The following DNAH17 variants were observed in gnomAD, a reference collection of about 807,000 sequenced individuals.
DNAH17 encodes axonemal beta dynein heavy chain 17.
Under a neutral mutation model 485.6 loss-of-function variants are expected in DNAH17, and 376 were observed. That is an observed-to-expected ratio of 0.77 (90% CI 0.71 to 0.84). The LOEUF (loss-of-function observed/expected upper bound fraction) is 0.84. Ranked by LOEUF, DNAH17 falls within the 40% of genes least tolerant of loss-of-function variation. DNAH17 has a pLI of 0.00. For missense variants in DNAH17, 6,370 were observed against 5,839.3 expected (o/e 1.09, Z -2.96); for synonymous variants, 3,031 against 2,405.9 (o/e 1.26, Z -7.60).
At chr17:78,500,878 C>T (rs1045824363) in intron 35 of DNAH17, 8 of 268,928 alleles carry the variant, frequency 3.0e-5, no homozygotes, top group Non-Finnish European at 5.6e-5. Context: ...GCCCAGGTGC[C>T]TTTCCCACCT....
At chr17:78,565,204 C>G (rs1343262146) in intron 11 of DNAH17, among the ~76,000 whole-genome samples, 1 of 152,168 alleles carries the variant, frequency 6.6e-6, no homozygotes. Context: ...ACACCTGTAT[C>G]TATTGAGATG....
At chr17:78,543,729 C>T in intron 17 of DNAH17, 128 bp downstream of exon 17, 1 of 1,433,350 alleles carries the variant, frequency 7.0e-7, no homozygotes, top group Non-Finnish European at 9.7e-7. Flanking sequence ...CCAGCCAGGT[C>T]ACAGACTTCT....
chr17:78,462,422 G>A (rs1598491561), intron 57 of DNAH17, among the ~76,000 whole-genome samples: 1 of 152,180 alleles, frequency 6.6e-6, no homozygotes, highest in Non-Finnish European at 1.5e-5. Flanking sequence ...CACGATGGAG[G>A]AGGTCTGAAG....
chr17:78,544,083 G>A (rs570848882), intron 16 of DNAH17, 86 bp from the exon 17 acceptor site: 2 of 1,576,922 alleles, frequency 1.3e-6, no homozygotes, highest in Admixed American at 1.7e-5. Context: ...TTTGATGTGA[G>A]TTTCGTCACT....
chr17:78,576,289 T>C (rs28451487), intron 1 of DNAH17, among the ~76,000 whole-genome samples: 5,899 of 152,158 alleles, frequency 0.039, 410 homozygotes, highest in African/African-American at 0.13. Flanking sequence ...AAAACAACTA[T>C]ATGATGGGAA....
chr17:78,551,355 G>A (rs573586286), intron 16 of DNAH17, among the ~76,000 whole-genome samples, 180 bp downstream of exon 16: 305 of 152,332 alleles, frequency 2.0e-3, no homozygotes, highest in African/African-American at 7.1e-3. Context: ...CAGAGCAACT[G>A]GGCTCTTTCT....
intron 57 of DNAH17, among the ~76,000 whole-genome samples, chr17:78,462,471 A>G (rs2146538217): frequency 6.6e-6 from 1 of 152,262 alleles, no homozygotes; most frequent in East Asian, 1.9e-4. Flanking sequence ...TGTGGAGGAA[A>G]GGATCCAGGG....
intron 27 of DNAH17, among the ~76,000 whole-genome samples, chr17:78,509,674 AC>A (rs1274458339): frequency 3.9e-5 from 6 of 152,134 alleles, no homozygotes; most frequent in Admixed American, 2.6e-4. Context: ...AAGTTCAGGT[AC>A]CAGCTGGGGG....
chr17:78,511,166 G>T (rs1362566513), intron 26 of DNAH17, among the ~76,000 whole-genome samples: 1 of 152,224 alleles, frequency 6.6e-6, no homozygotes, highest in Non-Finnish European at 1.5e-5. Flanking sequence ...ACCTGGGCTG[G>T]AGTGCATCTT....
Position 78,455,711 on chromosome 17 carries a change from T to C in DNAH17, c.10103A>G (p.Tyr3368Cys). Reference sequence around the variant, plus strand: ...CTCATTCCGGTATTTCTTGGTGAAGTAGCCCACGTAGGACACGAAGGCAGA... The same window carrying C: ...CTCATTCCGGTATTTCTTGGTGAAGCAGCCCACGTAGGACACGAAGGCAGA... ...LISAFVSYVG[Y>C]FTKKYRNELM... Residue 3368 changes from tyrosine to cysteine, a missense_variant, in exon 63 of 81, where the codon TAC becomes TGC. Tyr to Cys is a radical substitution (Grantham distance 194, BLOSUM62 -2). Transcript: ENST00000389840. The C allele has an allele frequency of 1.2e-6, 2 of 1,602,154 alleles. No homozygotes were observed. The highest frequency in any genetic ancestry group is 1.7e-6 in the Non-Finnish European group (2 of 1,174,910).
chr17:78,514,368 G>A lies in DNAH17; in HGVS notation c.4113+406C>T, dbSNP rs547334819. ...AAAAATACAAAAATTAGCTGGGTGT[G>A]GTGGTGGGTGCCTGTGGTCCCAGCT... On this transcript the variant is annotated intron_variant, in intron 26 of 80. Transcript: ENST00000389840. Among the ~76,000 whole-genome samples the A allele has an allele frequency of 2.9e-3, 434 of 152,036 alleles. 2 individuals carry two copies. Among genetic ancestry groups the A allele is most frequent in the Non-Finnish European group, 4.9e-3 (335 of 67,968 alleles).
At chr17:78,569,278 GC>G (rs1262303303) in intron 8 of DNAH17, 26 bp from the exon 9 acceptor site, 1 of 1,595,820 alleles carries the variant, frequency 6.3e-7, no homozygotes, top group East Asian at 2.3e-5. Context: ...GAGAGATGAG[GC>G]CACGTTTGCT....
At chr17:78,511,029 C>CG (rs1405332261) in intron 26 of DNAH17, among the ~76,000 whole-genome samples, 1 of 152,236 alleles carries the variant, frequency 6.6e-6, no homozygotes, top group Non-Finnish European at 1.5e-5. Context: ...AGGAAGGACC[C>CG]TCCCCCGGAG....
At chr17:78,465,354 C>T (rs1246671731) in intron 56 of DNAH17, among the ~76,000 whole-genome samples, 2 of 151,928 alleles carry the variant, frequency 1.3e-5, no homozygotes, top group African/African-American at 2.4e-5. Context: ...GCCGCCACCC[C>T]GTCTGGGAAG....
intron 54 of DNAH17, chr17:78,472,875 T>C (rs539969490): frequency 5.5e-4 from 211 of 385,176 alleles, no homozygotes; most frequent in South Asian, 3.7e-3. Context: ...AAACTATCCT[T>C]CCTGTGTCCT....
rs776578810 is a variant in DNAH17 at position 78,567,147 on chromosome 17, A to G, written c.1304T>C (p.Ile435Thr). ...GATTTTCTCCAGCTTCAGAAACTCA[A>G]TTGCTGTTTTATAGAGTTCCTAGTG... ...QTIEELYKTAIEFLKLEKIEL... is the reference protein window; with the variant it reads ...QTIEELYKTATEFLKLEKIEL... The change falls in exon 10 of 81, where the codon ATT becomes ACT. Residue 435 changes from isoleucine to threonine, a missense_variant. By Grantham distance (89) the Ile-to-Thr change is moderately conservative. Transcript: ENST00000389840. 15 of 1,605,620 alleles carry G rather than the reference A, an allele frequency of 9.3e-6. No homozygotes were observed. In the Admixed American group the frequency reaches 1.0e-4, roughly 11 times the overall value.
At chr17:78,468,312 G>A (rs1435338156) in intron 55 of DNAH17, among the ~76,000 whole-genome samples, 1 of 152,008 alleles carries the variant, frequency 6.6e-6, no homozygotes. Context: ...TTTATATCGG[G>A]CCCTTGAGCA....
chr17:78,506,741 G>A lies in DNAH17; in HGVS notation c.4782C>T (p.Ser1594=). The A allele has an allele frequency of 6.2e-7, 1 of 1,613,982 alleles. No homozygotes were observed. The highest frequency in any genetic ancestry group is 8.5e-7 in the Non-Finnish European group (1 of 1,179,876). Residue 1594 remains serine, a synonymous_variant, in exon 30 of 81, where the codon TCC becomes TCT. Coordinates refer to ENST00000389840, the MANE Select transcript of DNAH17 (RefSeq NM_173628.4). Reference sequence around the variant, plus strand: ...CTACCTCCACGGGGTCATTGCCATTGGAGAGAATGTCCAGGAGGTCAGCCG... The same window carrying A: ...CTACCTCCACGGGGTCATTGCCATTAGAGAGAATGTCCAGGAGGTCAGCCG... ...VSSADLLDIL[S]NGNDPVEVSR... is the part of the protein sequence containing the mutation.
At chr17:78,515,061 C>A in intron 25 of DNAH17, 39 bp from the exon 26 acceptor site, 1 of 1,607,010 alleles carries the variant, frequency 6.2e-7, no homozygotes, top group Non-Finnish European at 8.5e-7. Context: ...CCACTCTCAT[C>A]AAGGAGAATT....
Sources: gnomAD v4.1 joint callset for allele counts (sites outside exome capture counted in the v4.1 genomes callset) on GRCh38, gnomAD v4.1.1 for gene constraint, MANE v1.5 for transcripts, NCBI Gene and HGNC (gene_info 2026-07-23, HGNC 2026-07-21) for gene names.